TULP3: variants seen among roughly 807,000 people sequenced by gnomAD.
TULP3 encodes tubby-related protein 3.
TULP3 carries 38 observed loss-of-function variants against 50.7 expected under a neutral mutation model. The ratio of observed to expected loss-of-function variants is 0.75; its 90% confidence interval spans 0.58 to 0.98. The LOEUF (loss-of-function observed/expected upper bound fraction) is 0.98. TULP3 is among the 50% of genes least tolerant of loss of function. The pLI, the probability that TULP3 is intolerant of heterozygous loss-of-function variation, is 0.00. For missense variants in TULP3, 550 were observed against 568.0 expected, an observed-to-expected ratio of 0.97 and a Z score of 0.32; for synonymous variants, 183 against 196.6, an observed-to-expected ratio of 0.93 and a Z score of 0.58.
intron 1 of TULP3, among the ~76,000 whole-genome samples, chr12:2,891,791 G>A (rs1382526553): frequency 1.3e-5 from 2 of 152,026 alleles, no homozygotes; most frequent in Admixed American, 1.3e-4. Flanking sequence ...CTTGGAACAC[G>A]TCTATTATCC....
intron 1 of TULP3, among the ~76,000 whole-genome samples, chr12:2,905,165 A>G (rs1168127764): frequency 6.7e-6 from 1 of 149,962 alleles, no homozygotes; most frequent in Non-Finnish European, 1.5e-5. Flanking sequence ...TTTAGTTCAG[A>G]TTGAATATGT....
At chr12:2,935,788 G>A (rs2098200878) in intron 8 of TULP3, among the ~76,000 whole-genome samples, 1 of 151,406 alleles carries the variant, frequency 6.6e-6, no homozygotes, top group African/African-American at 2.4e-5. Flanking sequence ...AGGCAACATG[G>A]TGAAACCCCA....
At chr12:2,923,910 G>T (rs2098193231) in intron 4 of TULP3, among the ~76,000 whole-genome samples, 1 of 152,032 alleles carries the variant, frequency 6.6e-6, no homozygotes, top group East Asian at 1.9e-4. Context: ...AGCCTGGGAA[G>T]TGGAGGTTGC....
chr12:2,905,759 C>T (rs1012789682), intron 1 of TULP3, among the ~76,000 whole-genome samples: 5 of 151,690 alleles, frequency 3.3e-5, no homozygotes, highest in Admixed American at 2.6e-4. Flanking sequence ...CTGTTTTTTT[C>T]ACTATTTGAG....
chr12:2,911,709 A>G (rs1299594348), intron 2 of TULP3, among the ~76,000 whole-genome samples: 9 of 47,270 alleles, frequency 1.9e-4, no homozygotes, highest in South Asian at 7.5e-4. Context: ...TTTTTTTTTG[A>G]GTCAGTGAAT....
chr12:2,914,097 G>C (rs529557462), intron 2 of TULP3, among the ~76,000 whole-genome samples: 3 of 149,852 alleles, frequency 2.0e-5, no homozygotes, highest in Admixed American at 2.0e-4. Flanking sequence ...AAATCTTCTA[G>C]CTATTTTGAA....
intron 2 of TULP3, among the ~76,000 whole-genome samples, chr12:2,918,571 G>C (rs537750498): frequency 6.6e-6 from 1 of 151,322 alleles, no homozygotes; most frequent in Non-Finnish European, 1.5e-5. Flanking sequence ...ATGGAGTTTT[G>C]CTGTTGTTGC....
At chr12:2,914,281 C>T (rs1289287030) in intron 2 of TULP3, among the ~76,000 whole-genome samples, 5 of 151,942 alleles carry the variant, frequency 3.3e-5, no homozygotes, top group Non-Finnish European at 7.4e-5. Flanking sequence ...TGTGCCACCA[C>T]GCCCAGCTAA....
chr12:2,924,083 C>T (rs1277957404), intron 4 of TULP3, among the ~76,000 whole-genome samples: 2 of 152,194 alleles, frequency 1.3e-5, no homozygotes, highest in Non-Finnish European at 2.9e-5. Flanking sequence ...AGCATGGTTC[C>T]TGCCCTCATG....
At position 2,900,876 on chromosome 12, in the gene TULP3, CTT is replaced by C. The variant is rs57315328; in HGVS notation, c.42-8635_42-8634del. Among the ~76,000 whole-genome samples, 170 of 127,262 alleles carry C rather than the reference CTT, an allele frequency of 1.3e-3. 1 individual carries two copies. The highest frequency in any genetic ancestry group is 0.012 in the Middle Eastern group (3 of 256). 83.5% of individuals were successfully genotyped at this position (127,262 alleles called of 152,430 possible). ...AGGCATGCGCAACCAAGCCGAAATA[CTT>C]TTTTTTTTTTTTTTTTTGTAGAGAC... is the stretch of plus-strand genomic sequence containing the variant. On this transcript the variant is annotated intron_variant, in intron 1 of 10. Coordinates refer to ENST00000448120, the MANE Select transcript of TULP3 (RefSeq NM_003324.5).
chr12:2,911,966 T>TA (rs1186574917), intron 2 of TULP3, among the ~76,000 whole-genome samples: 2,028 of 144,516 alleles, frequency 0.014, 41 homozygotes, highest in African/African-American at 0.047. Flanking sequence ...CTCCATCTCT[T>TA]AAAAAAAAAA....
chr12:2,916,966 T>A (rs1297306355), intron 2 of TULP3, among the ~76,000 whole-genome samples: 1 of 151,720 alleles, frequency 6.6e-6, no homozygotes, highest in African/African-American at 2.4e-5. Context: ...CCCAGATACC[T>A]TGGCAGGAAC....
chr12:2,933,598 C>G, intron 7 of TULP3, 68 bp downstream of exon 7: 1 of 940,246 alleles, frequency 1.1e-6, no homozygotes, highest in Non-Finnish European at 1.7e-6. Context: ...GCAGAACAGT[C>G]CTTATCTTGG....
intron 6 of TULP3, among the ~76,000 whole-genome samples, chr12:2,932,083 G>A (rs1049609001): frequency 6.6e-6 from 1 of 152,186 alleles, no homozygotes; most frequent in African/African-American, 2.4e-5. Context: ...GGAGAGTTTA[G>A]GAAGGATGCC....
At chr12:2,922,437 T>C (rs746133335) in intron 4 of TULP3, 35 bp downstream of exon 4, 1 of 1,592,190 alleles carries the variant, frequency 6.3e-7, no homozygotes, top group Non-Finnish European at 8.5e-7. Context: ...GCAATTTGTC[T>C]CCTTACTCAA....
intron 1 of TULP3, among the ~76,000 whole-genome samples, chr12:2,894,538 A>AACACAC (rs56834874): frequency 3.2e-4 from 47 of 147,828 alleles, no homozygotes; most frequent in African/African-American, 9.7e-4. Flanking sequence ...CCGTCTCAAA[A>AACACAC]ACACACACAC....
intron 1 of TULP3, among the ~76,000 whole-genome samples, chr12:2,905,721 G>A (rs930528201): frequency 6.6e-6 from 1 of 151,984 alleles, no homozygotes; most frequent in South Asian, 2.1e-4. Context: ...GGAATAAGTG[G>A]TGTCTAGATG....
chr12:2,922,294 G>C lies in TULP3; in HGVS notation c.286G>C (p.Asp96His), dbSNP rs148720872. Reference protein sequence around the residue: ...IDGPAAVLKPDEVHAPSVSSS... With the variant: ...IDGPAAVLKPHEVHAPSVSSS... The stretch of plus-strand genomic sequence containing the variant: ...TGGTCCAGCTGCTGTCCTGAAACCA[G>C]ACGAAGTTCATGCTCCATCAGTAAG... Residue 96 changes from aspartate (D) to histidine (H), a missense_variant, in exon 4 of 11, where the codon GAC becomes CAC. By Grantham distance (81) the Asp-to-His change is moderately conservative. Coordinates refer to ENST00000448120, the MANE Select transcript of TULP3 (RefSeq NM_003324.5). 212 of 1,614,062 alleles carry C rather than the reference G, an allele frequency of 1.3e-4. No homozygotes were observed. The highest frequency in any genetic ancestry group is 3.5e-4 in the Admixed American group (21 of 59,984).
At chr12:2,907,661 A>AT (rs199539152) in intron 1 of TULP3, among the ~76,000 whole-genome samples, 184 of 150,646 alleles carry the variant, frequency 1.2e-3, no homozygotes, top group Middle Eastern at 6.9e-3. Context: ...AAAAAAAAAA[A>AT]TTTTTTATTC....
Sources: allele counts gnomAD v4.1 joint callset (sites outside exome capture counted in the v4.1 genomes callset), GRCh38; gene constraint gnomAD v4.1.1; transcripts MANE v1.5; gene names NCBI Gene and HGNC (gene_info 2026-07-23, HGNC 2026-07-21).